The following MAP3K1 variants were observed in gnomAD, a reference collection of about 807,000 sequenced individuals.
The protein encoded by MAP3K1 is mitogen-activated protein kinase kinase kinase 1.
A neutral mutation model predicts 144.2 loss-of-function variants in MAP3K1; 36 were observed. The observed-to-expected ratio is 0.25, with a 90% CI of 0.19 to 0.33. The LOEUF is 0.33. Ranked by LOEUF, MAP3K1 falls within the 10% of genes least tolerant of loss-of-function variation. The pLI is 1.00. For synonymous variants in MAP3K1, 718 were observed against 688.7 expected (o/e 1.04, Z -0.67); for missense variants, 1,650 against 1,881.9 (o/e 0.88, Z 2.28).
At chr5:56,887,012 C>G (rs566809495) in intron 17 of MAP3K1, among the ~76,000 whole-genome samples, 275 of 152,328 alleles carry the variant, frequency 1.8e-3, no homozygotes, top group Middle Eastern at 3.4e-3. Context: ...ACCCGCTTGC[C>G]TCAGCCTCCC....
Position 56,815,711 on chromosome 5 carries a change from G to C in MAP3K1, c.138G>C (p.Glu46Asp). 1.5e-6 allele frequency: 2 copies of C among 1,322,936 alleles called. No individual in the cohort carries two copies. Among genetic ancestry groups the C allele is most frequent in the Non-Finnish European group, 1.9e-6 (2 of 1,038,032 alleles). 81.9% of individuals were successfully genotyped at this position (1,322,936 alleles called of 1,614,324 possible). The change falls in exon 1 of 20, where the codon GAG (glutamate) becomes GAC (aspartate). Residue 46 changes from glutamate to aspartate, a missense_variant. Physicochemically the swap from Glu to Asp is conservative, Grantham distance 45. Transcript: ENST00000399503. ...CGGCTGCCGCGGGACTGCTGCGGGA[G>C]GCGGGCAGCGGGGGCCGCGAGCGGG... Reference protein sequence around the residue: ...APAAAAGLLREAGSGGRERAD... With the variant: ...APAAAAGLLRDAGSGGRERAD...
In MAP3K1 at chr5:56,815,719, G is replaced by T. The variant is rs1008473777; in HGVS notation, c.146G>T (p.Ser49Ile). ...GCGGGACTGCTGCGGGAGGCGGGCA[G>T]CGGGGGCCGCGAGCGGGCGGACTGG... ...AAAGLLREAG[S>I]GGRERADWRR... Residue 49 changes from serine (S) to isoleucine (I), a missense_variant, in exon 1 of 20, where the codon AGC becomes ATC. This residue lies in a region of MAP3K1 where 360 missense variants were observed against 274.7 expected (regional missense o/e 1.31). Transcript: ENST00000399503. 7.5e-7 allele frequency: 1 copy of T among 1,333,180 alleles called. No homozygotes were observed. Among genetic ancestry groups the T allele is most frequent in the Non-Finnish European group, 9.6e-7 (1 of 1,041,466 alleles). The allele number at this position is 1,333,180 out of a possible 1,614,324, so 82.6% of individuals were successfully genotyped here. A position where few individuals can be genotyped will look rare whatever the true frequency, so the allele number is the denominator to read the frequency against.
At chr5:56,854,427 C>A (rs1174706624) in intron 1 of MAP3K1, among the ~76,000 whole-genome samples, 2 of 56,702 alleles carry the variant, frequency 3.5e-5, no homozygotes, top group East Asian at 4.3e-4. Context: ...AGCTAAACTC[C>A]ATCTCAAAAA....
At chr5:56,887,034 A>G (rs751497373) in intron 17 of MAP3K1, among the ~76,000 whole-genome samples, 28 of 152,326 alleles carry the variant, frequency 1.8e-4, no homozygotes, top group South Asian at 1.4e-3. Context: ...CAGTGCTGAG[A>G]TTACAGGCGT....
At chr5:56,836,586 T>G (rs1163115589) in intron 1 of MAP3K1, among the ~76,000 whole-genome samples, 1 of 152,192 alleles carries the variant, frequency 6.6e-6, no homozygotes, top group Admixed American at 6.5e-5. Flanking sequence ...TTGTCTCTGC[T>G]TCGGGTCGGG....
Position 56,882,409 on chromosome 5 carries a change from C to T in MAP3K1, c.3209C>T (p.Thr1070Ile). 1 of 1,614,052 alleles carries T rather than the reference C, an allele frequency of 6.2e-7. No homozygotes were observed. The highest frequency in any genetic ancestry group is 8.5e-7 in the Non-Finnish European group (1 of 1,179,928). ...CCATCTAGACCTACCCCAGGTAATACAAGTAAACAGGGAGATCCCTCAAAA... is the reference window on the plus strand; with the variant it reads ...CCATCTAGACCTACCCCAGGTAATATAAGTAAACAGGGAGATCCCTCAAAA... Reference protein sequence around the residue: ...PKPSRPTPGNTSKQGDPSKNS... With the variant: ...PKPSRPTPGNISKQGDPSKNS... Residue 1070 changes from threonine to isoleucine, a missense_variant, in exon 14 of 20, where the codon ACA becomes ATA. By Grantham distance (89) the Thr-to-Ile change is moderately conservative. This residue lies in a region of MAP3K1 where 841 missense variants were observed against 886.5 expected (regional missense o/e 0.95). Coordinates refer to ENST00000399503, the MANE Select transcript of MAP3K1 (RefSeq NM_005921.2).
rs779388203 is a variant in MAP3K1, at chr5:56,879,107, G to T, written c.2087+6G>T. Reference sequence around the variant, plus strand: ...AAATGTGCAGATGCCAATAGGTAAGGCTTTATTGATGAATCACTTCAAACC... The same window carrying T: ...AAATGTGCAGATGCCAATAGGTAAGTCTTTATTGATGAATCACTTCAAACC... On this transcript the variant is annotated splice_donor_region_variant and intron_variant, in intron 11 of 19. Transcript: ENST00000399503. The T allele has an allele frequency of 1.2e-6, 2 of 1,613,792 alleles. No homozygotes were observed. Among genetic ancestry groups the T allele is most frequent in the Non-Finnish European group, 1.7e-6 (2 of 1,179,794 alleles).
At chr5:56,879,226 T>C in intron 11 of MAP3K1, 125 bp downstream of exon 11, 1 of 1,281,748 alleles carries the variant, frequency 7.8e-7, no homozygotes, top group East Asian at 2.3e-5. Context: ...TGTCTTTTAA[T>C]GTGAGATTTA....
At chr5:56,847,561 A>G (rs1303261799) in intron 1 of MAP3K1, among the ~76,000 whole-genome samples, 1 of 152,188 alleles carries the variant, frequency 6.6e-6, no homozygotes, top group Non-Finnish European at 1.5e-5. Flanking sequence ...CTGCCACTGT[A>G]CTCCAGCCTG....
rs770264567 is a variant in MAP3K1, at chr5:56,864,858, A to G, written c.959A>G (p.Gln320Arg). ...ATGCGGGCCAGACTGTACTTACTGC[A>G]GCAGATAGGGCCTAACTCTTTCCTG... ...KVMRARLYLL[Q>R]QIGPNSFLIG... Residue 320 changes from glutamine (Q) to arginine (R), a missense_variant, in exon 4 of 20, where the codon CAG becomes CGG. By Grantham distance (43) the Gln-to-Arg change is conservative. Coordinates refer to ENST00000399503, the MANE Select transcript of MAP3K1 (RefSeq NM_005921.2). The G allele has an allele frequency of 3.7e-5, 60 of 1,613,998 alleles. No individual in the cohort carries two copies. In the Admixed American group the frequency reaches 4.0e-4, roughly 11 times the overall value.
At position 56,887,970 on chromosome 5, in the gene MAP3K1, C is replaced by T. The variant is rs561542730; in HGVS notation, c.4258-256C>T. The T allele has an allele frequency of 3.6e-4, 193 of 537,130 alleles. 1 individual carries two copies. Among genetic ancestry groups the T allele is most frequent in the African/African-American group, 3.5e-3 (185 of 52,736 alleles). 33.3% of individuals were successfully genotyped at this position (537,130 alleles called of 1,614,324 possible). Reference sequence around the variant, plus strand: ...TCATATGTAGTAATGATCTGTTGTCCTCTTGCCACATAGTTTGCTAAGAGC... The same window carrying T: ...TCATATGTAGTAATGATCTGTTGTCTTCTTGCCACATAGTTTGCTAAGAGC... On this transcript the variant is annotated intron_variant, in intron 18 of 19. Transcript: ENST00000399503.
chr5:56,838,769 T>A (rs1423903466), intron 1 of MAP3K1, among the ~76,000 whole-genome samples: 2 of 152,198 alleles, frequency 1.3e-5, no homozygotes, highest in Admixed American at 6.5e-5. Flanking sequence ...GTAGCTAGGA[T>A]TCTTAGAGGG....
At position 56,881,104 on chromosome 5, in the gene MAP3K1, T is replaced by G. The variant is rs776881170; in HGVS notation, c.2201T>G (p.Val734Gly). 1 of 1,613,388 alleles carries G rather than the reference T, an allele frequency of 6.2e-7. No individual in the cohort carries two copies. Among genetic ancestry groups the G allele is most frequent in the Admixed American group, 1.7e-5 (1 of 59,958 alleles). The part of the protein sequence containing the change: ...LKAGSIGIGG[V>G]DYVLNCILGN... The stretch of plus-strand genomic sequence containing the variant: ...GTAGGATCCATTGGTATTGGTGGTG[T>G]TGATTATGTCTTAAATTGTATTCTT... Residue 734 changes from valine (V) to glycine (G), a missense_variant, in exon 13 of 20, where the codon GTT becomes GGT. Physicochemically the swap from Val to Gly is moderately radical, Grantham distance 109 (BLOSUM62 -3). This residue lies in a region of MAP3K1 where 841 missense variants were observed against 886.5 expected (regional missense o/e 0.95). Coordinates refer to ENST00000399503, the MANE Select transcript of MAP3K1 (RefSeq NM_005921.2).
chr5:56,835,521 C>A (rs896328258), intron 1 of MAP3K1, among the ~76,000 whole-genome samples: 6 of 151,860 alleles, frequency 4.0e-5, no homozygotes, highest in African/African-American at 1.5e-4. Context: ...AGGGATGCTG[C>A]TGGTTGAGGG....
intron 2 of MAP3K1, 106 bp downstream of exon 2, chr5:56,856,856 T>C (rs1298243474): frequency 2.4e-6 from 3 of 1,233,868 alleles, no homozygotes; most frequent in Non-Finnish European, 3.5e-6. Context: ...ATTTTAAATG[T>C]AGTAGTTTTC....
At chr5:56,881,507 T>A (rs1486662110) in intron 13 of MAP3K1, 63 bp from the exon 14 acceptor site, 4 of 1,313,616 alleles carry the variant, frequency 3.0e-6, no homozygotes, top group African/African-American at 2.9e-5. Context: ...TACCATTTTT[T>A]AAGTTTCCAT....
intron 19 of MAP3K1, 49 bp from the exon 20 acceptor site, chr5:56,893,482 T>A: frequency 6.3e-7 from 1 of 1,585,838 alleles, no homozygotes. Context: ...TGTTTCTGTA[T>A]CAGAAGTTAC....
In MAP3K1 at chr5:56,882,262, C is replaced by G. The variant is rs901499471; in HGVS notation, c.3062C>G (p.Thr1021Arg). The change falls in exon 14 of 20, where the codon ACA (threonine) becomes AGA (arginine). Residue 1021 changes from threonine (T) to arginine (R), a missense_variant. Physicochemically the swap from Thr to Arg is moderately conservative, Grantham distance 71. Around this residue, in one of 6 missense-constraint regions of MAP3K1, gnomAD observed 841 missense variants for 886.5 expected, o/e 0.95. Transcript: ENST00000399503. The stretch of plus-strand genomic sequence containing the variant: ...AGAATACCTTCTGCATCTCCTCAAA[C>G]ACAGCGCAAGTTTTCTCTACAATTC... The part of the protein sequence containing the change: ...PCRIPSASPQ[T>R]QRKFSLQFHR... 2.5e-6 allele frequency: 4 copies of G among 1,614,146 alleles called. No individual in the cohort carries two copies. Among genetic ancestry groups the G allele is most frequent in the Non-Finnish European group, 3.4e-6 (4 of 1,180,028 alleles).
chr5:56,853,331 T>C (rs1479059859), intron 1 of MAP3K1, among the ~76,000 whole-genome samples: 1 of 152,182 alleles, frequency 6.6e-6, no homozygotes, highest in East Asian at 1.9e-4. Flanking sequence ...TTAGGAACAG[T>C]GAAAATTGTT....
Sources: gnomAD v4.1 joint callset for allele counts (sites outside exome capture counted in the v4.1 genomes callset) on GRCh38, gnomAD v4.1.1 for gene constraint, gnomAD v4.1.1 regional missense constraint, MANE v1.5 for transcripts, NCBI Gene and HGNC (gene_info 2026-07-23, HGNC 2026-07-21) for gene names.